The following NDUFB3 variants were observed in gnomAD, a reference collection of about 807,000 sequenced individuals.
The protein encoded by NDUFB3 is NADH:ubiquinone oxidoreductase subunit B3, also known as NADH dehydrogenase [ubiquinone] 1 beta subcomplex subunit 3.
In NDUFB3, 7 loss-of-function variants were observed where a neutral mutation model predicts 9.0. The observed-to-expected ratio is 0.78, with a 90% CI of 0.44 to 1.46. NDUFB3 has a LOEUF of 1.46. NDUFB3 is among the 40% of genes most tolerant of loss of function. The pLI is 0.01. For missense variants in NDUFB3, 93 were observed against 115.4 expected, an observed-to-expected ratio of 0.81 and a Z score of 0.89; for synonymous variants, 29 against 38.5, an observed-to-expected ratio of 0.75 and a Z score of 0.91.
Position 201,077,521 on chromosome 2 carries a change from G to A in NDUFB3, c.-2-1360G>A, listed in dbSNP as rs571704809. Among the ~76,000 whole-genome samples the A allele has an allele frequency of 3.9e-5, 6 of 152,328 alleles. No homozygotes were observed. The South Asian group carries it at 1.2e-3, about 32-fold the overall frequency. On this transcript the variant is annotated intron_variant, in intron 1 of 2. Coordinates refer to ENST00000237889, the MANE Select transcript of NDUFB3 (RefSeq NM_002491.3). ...TTCAGGGATCGGCAAACTGCAGCCTGTGGACCAAATCCAGCCCAGTGCCTG... is the reference window on the plus strand; with the variant it reads ...TTCAGGGATCGGCAAACTGCAGCCTATGGACCAAATCCAGCCCAGTGCCTG...
intron 2 of NDUFB3, among the ~76,000 whole-genome samples, chr2:201,082,356 G>A (rs796654318): frequency 1.3e-4 from 19 of 150,616 alleles, no homozygotes; most frequent in African/African-American, 4.2e-4. Context: ...CCTCTACCTC[G>A]TGGGCTGAAA....
chr2:201,078,643 G>A (rs1341644758), intron 1 of NDUFB3, among the ~76,000 whole-genome samples: 3 of 152,282 alleles, frequency 2.0e-5, no homozygotes, highest in Middle Eastern at 6.8e-3. Flanking sequence ...TTATCTCTGA[G>A]TGATGAGATT....
At chr2:201,072,649 C>T (rs144587026) in intron 1 of NDUFB3, among the ~76,000 whole-genome samples, 1 of 151,446 alleles carries the variant, frequency 6.6e-6, no homozygotes, top group African/African-American at 2.4e-5. Flanking sequence ...AACTAATTTC[C>T]TTACTGTTAT....
At chr2:201,076,959 G>C (rs1213544227) in intron 1 of NDUFB3, among the ~76,000 whole-genome samples, 1 of 151,864 alleles carries the variant, frequency 6.6e-6, no homozygotes, top group Non-Finnish European at 1.5e-5. Context: ...AATTAGCCGG[G>C]CATGGTGGCG....
intron 1 of NDUFB3, among the ~76,000 whole-genome samples, chr2:201,076,675 A>G (rs1025388222): frequency 6.6e-6 from 1 of 151,706 alleles, no homozygotes; most frequent in African/African-American, 2.4e-5. Context: ...GCTGGAGTGC[A>G]GTGGCACCAT....
chr2:201,083,762 T>TCAAATATAAACAAATATAAA (rs2047259031), intron 2 of NDUFB3, among the ~76,000 whole-genome samples: 1 of 152,260 alleles, frequency 6.6e-6, no homozygotes, highest in Non-Finnish European at 1.5e-5. Context: ...CTATTAATTT[T>TCAAATATAAACAAATATAAA]CAAATATAAA....
chr2:201,081,881 T>C (rs1297827855), intron 2 of NDUFB3, among the ~76,000 whole-genome samples: 1 of 150,754 alleles, frequency 6.6e-6, no homozygotes, highest in Non-Finnish European at 1.5e-5. Context: ...AGTGGCACGA[T>C]CTCCGCTCAC....
intron 2 of NDUFB3, among the ~76,000 whole-genome samples, chr2:201,083,098 C>T (rs2047247915): frequency 6.6e-6 from 1 of 152,306 alleles, no homozygotes; most frequent in African/African-American, 2.4e-5. Flanking sequence ...TCTACAAATA[C>T]ATTGTTACTT....
intron 2 of NDUFB3, among the ~76,000 whole-genome samples, chr2:201,081,162 A>G (rs930837685): frequency 6.6e-6 from 1 of 152,028 alleles, no homozygotes; most frequent in Non-Finnish European, 1.5e-5. Flanking sequence ...ATGGGAATCT[A>G]TTTCACATCC....
chr2:201,072,454 G>A (rs936443344), intron 1 of NDUFB3: 2 of 152,026 alleles, frequency 1.3e-5, no homozygotes, highest in Non-Finnish European at 2.9e-5. Context: ...GATAGTCTTC[G>A]GTAAACTAAA....
chr2:201,078,786 A>G, intron 1 of NDUFB3, 95 bp from the exon 2 acceptor site: 1 of 1,194,718 alleles, frequency 8.4e-7, no homozygotes, highest in South Asian at 1.5e-5. Flanking sequence ...TTTTTTTAAT[A>G]TTAAATGCTT....
chr2:201,077,442 T>C (rs1040036583), intron 1 of NDUFB3, among the ~76,000 whole-genome samples: 6 of 152,152 alleles, frequency 3.9e-5, no homozygotes, highest in African/African-American at 1.4e-4. Context: ...ATGTTTTAAT[T>C]AAGGAAGCAA....
At chr2:201,078,082 C>A (rs1439129488) in intron 1 of NDUFB3, among the ~76,000 whole-genome samples, 1 of 151,874 alleles carries the variant, frequency 6.6e-6, no homozygotes, top group African/African-American at 2.4e-5. Context: ...GTGGGTGGAT[C>A]ACGAGGTCAG....
chr2:201,080,848 T>C (rs1471009671), intron 2 of NDUFB3, among the ~76,000 whole-genome samples: 1 of 151,324 alleles, frequency 6.6e-6, no homozygotes, highest in Non-Finnish European at 1.5e-5. Flanking sequence ...GGACTACAGG[T>C]GCCTGCCACC....
At position 201,085,440 on chromosome 2, in the gene NDUFB3, T is replaced by G; in HGVS notation, c.141-19T>G. ...CACACGTTGTGTATGATTATAATTT[T>G]TTCTTTTTTTTTTTCTAGCAATGAA... is the stretch of plus-strand genomic sequence containing the variant. On this transcript the variant is annotated intron_variant, in intron 2 of 2. Coordinates refer to ENST00000237889, the MANE Select transcript of NDUFB3 (RefSeq NM_002491.3). 1 of 1,578,738 alleles carries G rather than the reference T, an allele frequency of 6.3e-7. No homozygotes were observed.
At chr2:201,076,582 G>A (rs764601374) in intron 1 of NDUFB3, among the ~76,000 whole-genome samples, 138 of 149,272 alleles carry the variant, frequency 9.2e-4, no homozygotes, top group Middle Eastern at 3.5e-3. Flanking sequence ...ATAAGTGTTG[G>A]TTTTTCACAG....
chr2:201,077,810 C>T (rs904916268), intron 1 of NDUFB3, among the ~76,000 whole-genome samples: 1 of 152,110 alleles, frequency 6.6e-6, no homozygotes. Context: ...CTCAATTTTA[C>T]CTCTTTTACC....
At chr2:201,081,161 T>C (rs2047217527) in intron 2 of NDUFB3, among the ~76,000 whole-genome samples, 1 of 152,140 alleles carries the variant, frequency 6.6e-6, no homozygotes, top group African/African-American at 2.4e-5. Context: ...AATGGGAATC[T>C]ATTTCACATC....
chr2:201,081,250 G>A (rs1411008038), intron 2 of NDUFB3, among the ~76,000 whole-genome samples: 5 of 151,772 alleles, frequency 3.3e-5, no homozygotes, highest in Admixed American at 2.0e-4. Context: ...TTGGGAGGCC[G>A]AGGCGGGTGG....
Sources: allele counts gnomAD v4.1 joint callset (sites outside exome capture counted in the v4.1 genomes callset), GRCh38; gene constraint gnomAD v4.1.1; transcripts MANE v1.5; gene names NCBI Gene and HGNC (gene_info 2026-07-23, HGNC 2026-07-21).